RANBP2: variants seen among roughly 807,000 people sequenced by gnomAD.
The protein encoded by RANBP2 is E3 SUMO-protein ligase RanBP2.
RANBP2 carries 57 observed loss-of-function variants against 303.6 expected under a neutral mutation model. The observed-to-expected ratio is 0.19, with a 90% CI of 0.15 to 0.23. The LOEUF (loss-of-function observed/expected upper bound fraction) is 0.23. Among genes scored for constraint, RANBP2 ranks in the 10% least tolerant of loss-of-function variants. The pLI is 1.00. For synonymous variants in RANBP2, 1,167 were observed against 1,301.5 expected (o/e 0.90, Z 2.23); for missense variants, 3,138 against 3,780.8 (o/e 0.83, Z 4.46).
At chr2:108,756,498 T>G (rs1676325218) in intron 17 of RANBP2, among the ~76,000 whole-genome samples, 1 of 152,238 alleles carries the variant, frequency 6.6e-6, no homozygotes, top group Non-Finnish European at 1.5e-5. Context: ...TACAGTGTGA[T>G]CAGCAGTATT....
chr2:109,380,414 C>T, the RANBP2 span, among the ~76,000 whole-genome samples: 1 of 152,138 alleles, frequency 6.6e-6, no homozygotes. Flanking sequence ...CTACCCTGTG[C>T]ACCTGTGCAA....
At chr2:109,030,560 G>T in the RANBP2 span, among the ~76,000 whole-genome samples, 1 of 152,206 alleles carries the variant, frequency 6.6e-6, no homozygotes, top group African/African-American at 2.4e-5. Context: ...GAGGCTCCCT[G>T]AGAAGGAGTG....
At chr2:109,551,191 C>T in the RANBP2 span, among the ~76,000 whole-genome samples, 2 of 152,270 alleles carry the variant, frequency 1.3e-5, no homozygotes, top group South Asian at 4.1e-4. Context: ...TGTTCACACA[C>T]TATTATCTAA....
chr2:109,207,394 TAAG>T, the RANBP2 span, among the ~76,000 whole-genome samples: 1 of 152,156 alleles, frequency 6.6e-6, no homozygotes, highest in African/African-American at 2.4e-5. Flanking sequence ...GGAGACAACA[TAAG>T]AAAAAGTGAC....
chr2:108,942,497 G>T, the RANBP2 span, among the ~76,000 whole-genome samples: 1 of 152,214 alleles, frequency 6.6e-6, no homozygotes, highest in Non-Finnish European at 1.5e-5. Flanking sequence ...TCCCGGGGAG[G>T]CCAGGTGAAC....
the RANBP2 span, chr2:109,127,247 C>G: frequency 6.6e-6 from 1 of 152,032 alleles, no homozygotes; most frequent in Non-Finnish European, 1.5e-5. Flanking sequence ...AATTGAGATA[C>G]TAAGATCTGC....
At chr2:108,858,723 TA>T in the RANBP2 span, among the ~76,000 whole-genome samples, 1 of 152,114 alleles carries the variant, frequency 6.6e-6, no homozygotes, top group East Asian at 1.9e-4. Flanking sequence ...ATTTTAGATT[TA>T]GGGGGTACAT....
At chr2:109,243,389 C>T in the RANBP2 span, among the ~76,000 whole-genome samples, 87 of 152,358 alleles carry the variant, frequency 5.7e-4, no homozygotes, top group Admixed American at 8.5e-4. Context: ...GGGGCACATG[C>T]TGGAGTGCCT....
chr2:108,853,303 C>T, the RANBP2 span, among the ~76,000 whole-genome samples: 1 of 152,036 alleles, frequency 6.6e-6, no homozygotes, highest in Non-Finnish European at 1.5e-5. Context: ...GAGGGTCAGT[C>T]TAATATAATT....
At chr2:109,372,093 G>A in the RANBP2 span, among the ~76,000 whole-genome samples, 4 of 152,314 alleles carry the variant, frequency 2.6e-5, no homozygotes, top group Admixed American at 1.3e-4. Flanking sequence ...CACTGCACAC[G>A]GATTGGAAGG....
the RANBP2 span, chr2:108,895,989 C>A: frequency 2.0e-5 from 3 of 152,236 alleles, no homozygotes; most frequent in African/African-American, 7.2e-5. Context: ...CACAGCCTGA[C>A]ACATTATAAT....
the RANBP2 span, chr2:109,419,663 G>C: frequency 9.0e-6 from 14 of 1,554,112 alleles, no homozygotes; most frequent in Non-Finnish European, 1.1e-5. Flanking sequence ...CTTTGTGTCT[G>C]TCGGGGTCCT....
the RANBP2 span, among the ~76,000 whole-genome samples, chr2:108,856,517 G>A: frequency 4.6e-5 from 7 of 152,262 alleles, no homozygotes; most frequent in Admixed American, 4.6e-4. Context: ...AATAGGCATT[G>A]TTTTTCTTCC....
chr2:108,757,231 G>A (rs550590087), intron 17 of RANBP2, among the ~76,000 whole-genome samples: 1 of 152,128 alleles, frequency 6.6e-6, no homozygotes, highest in Non-Finnish European at 1.5e-5. Flanking sequence ...TTTGTAAGGG[G>A]ACATTTTGTA....
the RANBP2 span, among the ~76,000 whole-genome samples, chr2:109,325,323 CTTTCTTTCTTTTTTTTTTTTTT>C: frequency 8.1e-4 from 96 of 119,246 alleles, no homozygotes; most frequent in African/African-American, 3.0e-3. Flanking sequence ...TTCTTTCTTT[CTTTCTTTCTTTTTTTTTTTTTT>C]TTTTTTTTTT....
the RANBP2 span, among the ~76,000 whole-genome samples, chr2:109,324,104 T>A: frequency 1.3e-5 from 2 of 152,228 alleles, no homozygotes; most frequent in Non-Finnish European, 2.9e-5. Flanking sequence ...AGCATAATAT[T>A]TTCAAGGTTC....
At chr2:109,650,126 C>T in the RANBP2 span, among the ~76,000 whole-genome samples, 2 of 152,214 alleles carry the variant, frequency 1.3e-5, no homozygotes, top group African/African-American at 4.8e-5. Context: ...TTGTAGGAAA[C>T]AAAAGTCGCT....
chr2:108,888,721 G>T, the RANBP2 span, among the ~76,000 whole-genome samples: 6 of 151,628 alleles, frequency 4.0e-5, no homozygotes, highest in Non-Finnish European at 8.8e-5. Context: ...AGCTAACCGT[G>T]TATCAATTTT....
chr2:108,842,332 T>C, the RANBP2 span, among the ~76,000 whole-genome samples: 1 of 151,824 alleles, frequency 6.6e-6, no homozygotes, highest in Non-Finnish European at 1.5e-5. Context: ...AGCCAACCCA[T>C]CTGGCTGAAA....
Sources: gnomAD v4.1 joint callset for allele counts (sites outside exome capture counted in the v4.1 genomes callset) on GRCh38, gnomAD v4.1.1 for gene constraint, MANE v1.5 for transcripts, NCBI Gene and HGNC (gene_info 2026-07-23, HGNC 2026-07-21) for gene names.